The following PCDH15 variants were observed in gnomAD, a reference collection of about 807,000 sequenced individuals.
PCDH15 encodes the protein protocadherin-15.
PCDH15 carries 129 observed loss-of-function variants against 178.5 expected under a neutral mutation model. The observed-to-expected ratio is 0.72, with a 90% confidence interval of 0.63 to 0.84. The LOEUF (loss-of-function observed/expected upper bound fraction) is 0.84. PCDH15 is among the 40% of genes least tolerant of loss of function. The pLI, the probability that PCDH15 is intolerant of heterozygous loss-of-function variation, is 0.00. For synonymous variants in PCDH15, 800 were observed against 732.0 expected, an observed-to-expected ratio of 1.09 and a Z score of -1.50; for missense variants, 2,230 against 2,099.9, an observed-to-expected ratio of 1.06 and a Z score of -1.21.
At chr10:55,306,729 G>A (rs1843435190) in intron 1 of PCDH15, among the ~76,000 whole-genome samples, 1 of 152,152 alleles carries the variant, frequency 6.6e-6, no homozygotes, top group Non-Finnish European at 1.5e-5. Context: ...AGAGTAAAGT[G>A]AAATCTTACA....
At chr10:54,529,156 T>G (rs2083656378) in intron 2 of PCDH15, among the ~76,000 whole-genome samples, 1 of 151,904 alleles carries the variant, frequency 6.6e-6, no homozygotes, top group South Asian at 2.1e-4. Flanking sequence ...TATTCTGTAT[T>G]GTAAGGTATG....
At chr10:55,288,870 G>GATATATATAT (rs143549237) in intron 1 of PCDH15, among the ~76,000 whole-genome samples, 3 of 146,188 alleles carry the variant, frequency 2.1e-5, no homozygotes, top group African/African-American at 7.6e-5. Flanking sequence ...AATTCTATTA[G>GATATATATAT]ATATATATAT....
chr10:54,049,329 C>A (rs2093718298), intron 18 of PCDH15, among the ~76,000 whole-genome samples: 1 of 152,074 alleles, frequency 6.6e-6, no homozygotes, highest in Non-Finnish European at 1.5e-5. Flanking sequence ...GATATTTTGA[C>A]TTCTTCTGTT....
Position 54,329,721 on chromosome 10 carries a change from G to A in PCDH15, c.595-15C>T. 7.0e-7 allele frequency: 1 copy of A among 1,423,262 alleles called. No individual in the cohort carries two copies. The highest frequency in any genetic ancestry group is 9.9e-7 in the Non-Finnish European group (1 of 1,006,570). The allele number at this position is 1,423,262 out of a possible 1,614,324, so 88.2% of individuals were successfully genotyped here. ...TCATTGGATGTCTGCAAATATTAAA[G>A]ATACAGACTTCAGATTATTTGAATG... On this transcript the variant is annotated splice_polypyrimidine_tract_variant and intron_variant, in intron 6 of 37. Coordinates refer to ENST00000644397, the MANE Select transcript of PCDH15 (RefSeq NM_001384140.1).
At chr10:54,853,316 T>TATATATATACACATACATACATATAC (rs1554806802) in intron 3 of PCDH15, among the ~76,000 whole-genome samples, 1 of 115,146 alleles carries the variant, frequency 8.7e-6, no homozygotes, top group African/African-American at 3.6e-5. Flanking sequence ...TATATATATA[T>TATATATATACACATACATACATATAC]ATACATACAC....
chr10:54,332,761 T>A (rs915763191), intron 6 of PCDH15, among the ~76,000 whole-genome samples: 6 of 152,054 alleles, frequency 3.9e-5, no homozygotes, highest in Non-Finnish European at 7.4e-5. Context: ...TTTGCAATAC[T>A]TTTTTTGTTG....
intron 1 of PCDH15, among the ~76,000 whole-genome samples, chr10:55,173,063 A>G (rs1424418075): frequency 2.0e-5 from 3 of 152,014 alleles, no homozygotes; most frequent in Admixed American, 6.6e-5. Flanking sequence ...AAATGGCCAT[A>G]TAACTGTATT....
chr10:54,313,184 A>C (rs1433069989), intron 8 of PCDH15, among the ~76,000 whole-genome samples: 1 of 152,098 alleles, frequency 6.6e-6, no homozygotes, highest in Non-Finnish European at 1.5e-5. Context: ...AGAATCCACT[A>C]TCCTTAGGAT....
chr10:55,616,208 C>T (rs776848451), intron 2 of PCDH15, among the ~76,000 whole-genome samples: 1 of 152,070 alleles, frequency 6.6e-6, no homozygotes, highest in Non-Finnish European at 1.5e-5. Context: ...ACAGAAAAAT[C>T]ACTTTTAAAT....
intron 2 of PCDH15, among the ~76,000 whole-genome samples, chr10:55,327,775 A>C (rs1320553318): frequency 6.6e-6 from 1 of 152,062 alleles, no homozygotes; most frequent in Non-Finnish European, 1.5e-5. Context: ...TTTACCTGGA[A>C]ACTAAAGCCA....
chr10:55,391,853 C>A (rs1034714162), intron 2 of PCDH15, among the ~76,000 whole-genome samples: 6 of 152,166 alleles, frequency 3.9e-5, no homozygotes, highest in African/African-American at 1.4e-4. Flanking sequence ...AACTGTTTGG[C>A]CTAAGAGGCC....
At chr10:54,513,792 T>C (rs1930144) in intron 3 of PCDH15, among the ~76,000 whole-genome samples, 97,914 of 152,076 alleles carry the variant, frequency 0.64, 32,205 homozygotes, top group East Asian at 0.97. Context: ...CAAAAAACAG[T>C]ATTTGAAATG....
chr10:55,344,748 G>A (rs1844699169), intron 2 of PCDH15, among the ~76,000 whole-genome samples: 2 of 151,992 alleles, frequency 1.3e-5, no homozygotes, highest in Non-Finnish European at 2.9e-5. Context: ...ATAGGTCCAC[G>A]CTTGAAAAAC....
Position 55,098,290 on chromosome 10 carries a change from A to G in PCDH15, c.-80+68286T>C, listed in dbSNP as rs1188718342. On this transcript the variant is annotated intron_variant, in intron 2 of 5. Coordinates refer to the PCDH15 transcript ENST00000458638. ...GTAGTGGAGGGCCATATGTTATTAA[A>G]TGGAAGAACCAGAATCAACCTCAAG... 2.0e-5 allele frequency among the ~76,000 whole-genome samples: 3 copies of G among 152,308 alleles called. No individual in the cohort carries two copies. In the East Asian group the frequency reaches 5.8e-4, roughly 29 times the overall value.
At chr10:55,233,963 A>G (rs1841302016) in intron 1 of PCDH15, among the ~76,000 whole-genome samples, 1 of 152,218 alleles carries the variant, frequency 6.6e-6, no homozygotes, top group South Asian at 2.1e-4. Context: ...TTAAAACTTC[A>G]CTAAACACAA....
intron 3 of PCDH15, among the ~76,000 whole-genome samples, chr10:54,519,340 A>G (rs1216933287): frequency 1.3e-5 from 2 of 152,162 alleles, no homozygotes; most frequent in Non-Finnish European, 2.9e-5. Context: ...AATCTCCTTA[A>G]GCTGATAAGC....
chr10:55,481,205 T>C (rs1369080818), intron 2 of PCDH15, among the ~76,000 whole-genome samples: 1 of 151,772 alleles, frequency 6.6e-6, no homozygotes, highest in East Asian at 1.9e-4. Context: ...TTTCTGATTG[T>C]ATTTATTTGA....
intron 13 of PCDH15, among the ~76,000 whole-genome samples, chr10:54,171,084 G>T: frequency 6.6e-6 from 1 of 152,010 alleles, no homozygotes; most frequent in Non-Finnish European, 1.5e-5. Context: ...GTCTGAGAAG[G>T]CCACCGCAGG....
intron 3 of PCDH15, among the ~76,000 whole-genome samples, chr10:54,405,216 G>C (rs1952492033): frequency 6.6e-6 from 1 of 152,030 alleles, no homozygotes; most frequent in South Asian, 2.1e-4. Context: ...TGTTCATTGT[G>C]TCACTATTCA....
Sources: allele counts gnomAD v4.1 joint callset (sites outside exome capture counted in the v4.1 genomes callset), GRCh38; gene constraint gnomAD v4.1.1; transcripts MANE v1.5; gene names NCBI Gene and HGNC (gene_info 2026-07-23, HGNC 2026-07-21).